ADGRL3: variants seen among roughly 807,000 people sequenced by gnomAD.
The protein encoded by ADGRL3 is adhesion G protein-coupled receptor L3.
ADGRL3 carries 62 observed loss-of-function variants against 153.5 expected under a neutral mutation model. The ratio of observed to expected loss-of-function variants is 0.40; its 90% CI spans 0.33 to 0.50. The LOEUF is 0.50. Ranked by LOEUF, ADGRL3 falls within the 20% of genes least tolerant of loss-of-function variation. The probability of loss-of-function intolerance (pLI) is 0.47; values close to 1 mark genes in which losing one functional copy is unlikely to be tolerated. For synonymous variants in ADGRL3, 710 were observed against 672.5 expected (o/e 1.06, Z -0.86); for missense variants, 1,641 against 1,859.4 (o/e 0.88, Z 2.16).
intron 2 of ADGRL3, among the ~76,000 whole-genome samples, chr4:61,431,386 G>A (rs1224285319): frequency 1.3e-5 from 2 of 152,158 alleles, no homozygotes; most frequent in Non-Finnish European, 2.9e-5. Flanking sequence ...CAGGGGAAAT[G>A]GTTGTCTTTC....
intron 2 of ADGRL3, among the ~76,000 whole-genome samples, chr4:61,407,365 GA>G (rs1287258668): frequency 2.6e-5 from 4 of 151,948 alleles, no homozygotes; most frequent in Non-Finnish European, 4.4e-5. Flanking sequence ...AATATATAAT[GA>G]AAAAATAGTC....
chr4:61,523,058 C>T (rs200556325), intron 4 of ADGRL3, among the ~76,000 whole-genome samples: 10 of 150,452 alleles, frequency 6.6e-5, no homozygotes, highest in African/African-American at 1.7e-4. Flanking sequence ...GAAAATTGTG[C>T]GTGTGTGTGT....
At chr4:61,902,955 G>A (rs560641374) in intron 11 of ADGRL3, among the ~76,000 whole-genome samples, 2 of 152,222 alleles carry the variant, frequency 1.3e-5, no homozygotes, top group East Asian at 3.9e-4. Flanking sequence ...ACTGACCTTA[G>A]CACAGGACTG....
chr4:61,508,246 G>A lies in ADGRL3; in HGVS notation c.56-9069G>A, dbSNP rs1047948550. 5.3e-5 allele frequency among the ~76,000 whole-genome samples: 8 copies of A among 152,264 alleles called. No homozygotes were observed. The East Asian group carries it at 7.7e-4, about 15-fold the overall frequency. On this transcript the variant is annotated intron_variant, in intron 3 of 26. Coordinates refer to ENST00000683033, the MANE Select transcript of ADGRL3 (RefSeq NM_001387552.1). Reference sequence around the variant, plus strand: ...AATTTAGGCAACGATTATAATGAAAGTCACTATTTTTCCCTTTATTGATAG... The same window carrying A: ...AATTTAGGCAACGATTATAATGAAAATCACTATTTTTCCCTTTATTGATAG...
intron 2 of ADGRL3, among the ~76,000 whole-genome samples, chr4:61,475,060 A>G (rs1263417708): frequency 6.6e-6 from 1 of 152,176 alleles, no homozygotes; most frequent in Non-Finnish European, 1.5e-5. Flanking sequence ...ACTATTTTAG[A>G]ACGGGGAGGA....
chr4:61,896,716 T>G (rs1019539964), intron 11 of ADGRL3, among the ~76,000 whole-genome samples: 1 of 152,192 alleles, frequency 6.6e-6, no homozygotes, highest in Non-Finnish European at 1.5e-5. Context: ...TTATATTGAC[T>G]CTAGTTACCC....
At chr4:61,947,285 G>A (rs932274001) in intron 16 of ADGRL3, among the ~76,000 whole-genome samples, 163 bp downstream of exon 16, 3 of 152,056 alleles carry the variant, frequency 2.0e-5, no homozygotes, top group Non-Finnish European at 4.4e-5. Context: ...ATAAGATTTG[G>A]AGGAGGAGAA....
intron 5 of ADGRL3, among the ~76,000 whole-genome samples, chr4:61,671,789 GTGACCATGAAATGTA>G (rs2095011387): frequency 6.6e-6 from 1 of 152,092 alleles, no homozygotes; most frequent in African/African-American, 2.4e-5. Context: ...GGGTCCCAGA[GTGACCATGAAATGTA>G]TGACTCATTC....
At chr4:61,390,964 C>T (rs563549176) in intron 2 of ADGRL3, among the ~76,000 whole-genome samples, 37 of 152,164 alleles carry the variant, frequency 2.4e-4, no homozygotes, top group African/African-American at 8.4e-4. Context: ...TGTTGAGTGC[C>T]CCAATAATTC....
chr4:61,488,359 T>G (rs962806675), intron 2 of ADGRL3, among the ~76,000 whole-genome samples: 5 of 152,092 alleles, frequency 3.3e-5, no homozygotes, highest in African/African-American at 1.2e-4. Context: ...TATTTGCCAG[T>G]GTTTCAGATG....
At chr4:61,467,198 C>T (rs1386834129) in intron 2 of ADGRL3, among the ~76,000 whole-genome samples, 1 of 152,000 alleles carries the variant, frequency 6.6e-6, no homozygotes, top group Non-Finnish European at 1.5e-5. Flanking sequence ...GAAGTGTAAA[C>T]ATTAAAATGT....
At chr4:61,656,558 A>G (rs1347048549) in intron 5 of ADGRL3, among the ~76,000 whole-genome samples, 1 of 152,172 alleles carries the variant, frequency 6.6e-6, no homozygotes, top group Non-Finnish European at 1.5e-5. Context: ...GGGTAAAATG[A>G]AAGTCAAGAA....
intron 21 of ADGRL3, among the ~76,000 whole-genome samples, chr4:62,006,751 G>GA (rs1385968423): frequency 6.6e-6 from 1 of 151,578 alleles, no homozygotes. Flanking sequence ...GAGATGATTT[G>GA]AAAAAAATAC....
chr4:61,612,354 A>G (rs186777312), intron 5 of ADGRL3, among the ~76,000 whole-genome samples: 179 of 152,282 alleles, frequency 1.2e-3, no homozygotes, highest in African/African-American at 4.1e-3. Flanking sequence ...TAGTCTGCTA[A>G]ATGGCTCCTT....
intron 26 of ADGRL3, among the ~76,000 whole-genome samples, chr4:62,069,373 A>C (rs1334089696): frequency 1.3e-5 from 2 of 152,140 alleles, no homozygotes; most frequent in African/African-American, 2.4e-5. Flanking sequence ...GGGATGGTAT[A>C]TAATAACAGC....
At chr4:61,210,401 C>A (rs1739384857) in intron 1 of ADGRL3, among the ~76,000 whole-genome samples, 1 of 152,022 alleles carries the variant, frequency 6.6e-6, no homozygotes, top group Non-Finnish European at 1.5e-5. Context: ...GTAGCCTGAG[C>A]CTGTGAGAAT....
chr4:61,473,737 GA>G (rs1052411552), intron 2 of ADGRL3, among the ~76,000 whole-genome samples: 6 of 151,956 alleles, frequency 3.9e-5, no homozygotes, highest in African/African-American at 1.2e-4. Context: ...AAAAAAAATA[GA>G]AAAGCTTACT....
intron 1 of ADGRL3, among the ~76,000 whole-genome samples, chr4:61,287,883 A>C (rs1319739985): frequency 6.6e-6 from 1 of 151,960 alleles, no homozygotes; most frequent in East Asian, 1.9e-4. Flanking sequence ...AGAAAATAAC[A>C]AATATTCATG....
At chr4:61,533,461 G>C (rs1223634483) in intron 4 of ADGRL3, among the ~76,000 whole-genome samples, 2 of 89,240 alleles carry the variant, frequency 2.2e-5, no homozygotes, top group African/African-American at 9.6e-5. Context: ...TAATCTCTCT[G>C]AGAGCATTTG....
Sources: gnomAD v4.1 joint callset for allele counts (sites outside exome capture counted in the v4.1 genomes callset) on GRCh38, gnomAD v4.1.1 for gene constraint, MANE v1.5 for transcripts, NCBI Gene and HGNC (gene_info 2026-07-23, HGNC 2026-07-21) for gene names.